Variants in CD33 observed in about 807,000 individuals in gnomAD.
The protein encoded by CD33 is CD33 molecule, also known as myeloid cell surface antigen CD33.
Under a neutral mutation model 31.4 loss-of-function variants are expected in CD33, and 25 were observed. The observed-to-expected ratio is 0.80, with a 90% CI of 0.58 to 1.11. The LOEUF (loss-of-function observed/expected upper bound fraction) is 1.11. CD33 is among the 50% of genes most tolerant of loss of function. CD33 has a pLI of 0.00. For missense variants in CD33, 407 were observed against 448.1 expected, an observed-to-expected ratio of 0.91 and a Z score of 0.83; for synonymous variants, 176 against 180.6, an observed-to-expected ratio of 0.97 and a Z score of 0.20.
At chr19:51,227,653 C>T (rs1981125770) in intron 4 of CD33, among the ~76,000 whole-genome samples, 1 of 152,182 alleles carries the variant, frequency 6.6e-6, no homozygotes, top group South Asian at 2.1e-4. Flanking sequence ...CAAATATTTT[C>T]TCCTATTCTG....
At chr19:51,227,176 A>G (rs1251347330) in intron 4 of CD33, among the ~76,000 whole-genome samples, 1 of 152,148 alleles carries the variant, frequency 6.6e-6, no homozygotes, top group African/African-American at 2.4e-5. Context: ...GCTGCAATAA[A>G]CATTGAGGTG....
the CD33 span, among the ~76,000 whole-genome samples, chr19:51,217,562 A>G: frequency 1.3e-5 from 2 of 151,942 alleles, no homozygotes; most frequent in African/African-American, 2.4e-5. Flanking sequence ...GGCGCTTGCC[A>G]CCACACCCAG....
intron 4 of CD33, among the ~76,000 whole-genome samples, chr19:51,229,460 G>C (rs1981257764): frequency 6.6e-6 from 1 of 152,132 alleles, no homozygotes; most frequent in South Asian, 2.1e-4. Flanking sequence ...AGTTTGAGAA[G>C]AGTTGGCATA....
In CD33 at chr19:51,226,333, G is replaced by C; in HGVS notation, c.722G>C (p.Gly241Ala). 6.2e-7 allele frequency: 1 copy of C among 1,611,540 alleles called. No individual in the cohort carries two copies. The highest frequency in any genetic ancestry group is 8.5e-7 in the Non-Finnish European group (1 of 1,179,878). ...GATGTTCCACAGAACCCAACAACTG[G>C]TATCTTTCCAGGAGATGGCTCAGGT... Reference protein sequence around the residue: ...VTYVPQNPTTGIFPGDGSGKQ... With the variant: ...VTYVPQNPTTAIFPGDGSGKQ... Residue 241 changes from glycine to alanine, a missense_variant, in exon 4 of 7, where the codon GGT (glycine) becomes GCT (alanine). Physicochemically the swap from Gly to Ala is moderately conservative, Grantham distance 60 (BLOSUM62 0). Coordinates refer to ENST00000262262, the MANE Select transcript of CD33 (RefSeq NM_001772.4).
intron 4 of CD33, among the ~76,000 whole-genome samples, chr19:51,231,862 A>C (rs79434635): frequency 0.048 from 7,371 of 151,992 alleles, 560 homozygotes; most frequent in African/African-American, 0.17. Flanking sequence ...GGGCTTAAGC[A>C]ATCTTCCTGC....
In CD33 at chr19:51,235,665, T is replaced by C. The variant is rs61736475; in HGVS notation, c.913T>C (p.Ser305Pro). The C allele has an allele frequency of 0.035, 56,431 of 1,613,040 alleles. 3,984 individuals carry two copies. The highest frequency in any genetic ancestry group is 0.3 in the African/African-American group (22,677 of 74,830). The change falls in exon 6 of 7, where the codon TCA becomes CCA. Residue 305 changes from serine to proline, a missense_variant. Physicochemically the swap from Ser to Pro is moderately conservative, Grantham distance 74. Transcript: ENST00000262262. ...GRNDTHPTTG[S>P]ASPKHQKKSK... ...GAATGACACCCACCCTACCACAGGG[T>C]CAGCCTCCCCGGTGAGTGATGGGGC... is the stretch of plus-strand genomic sequence containing the variant.
intron 4 of CD33, 152 bp downstream of exon 4, chr19:51,226,508 G>A (rs1981047384): frequency 1.6e-6 from 1 of 629,860 alleles, no homozygotes; most frequent in Admixed American, 2.5e-5. Context: ...GATATTTGGG[G>A]ATGACTAGCA....
At chr19:51,224,704 C>T (rs562148996), upstream of CD33, among the ~76,000 whole-genome samples, 5 of 152,108 alleles carry the variant, frequency 3.3e-5, no homozygotes, top group Non-Finnish European at 7.3e-5. Flanking sequence ...GACTAAACAC[C>T]CCATGGATCT....
the CD33 span, among the ~76,000 whole-genome samples, chr19:51,214,260 A>G: frequency 8.3e-5 from 11 of 133,144 alleles, no homozygotes; most frequent in South Asian, 4.6e-4. Flanking sequence ...GTGCAATGGC[A>G]TGATCTCAGC....
upstream of CD33, among the ~76,000 whole-genome samples, chr19:51,222,633 G>T (rs77325682): frequency 6.6e-6 from 1 of 152,118 alleles, no homozygotes; most frequent in African/African-American, 2.4e-5. Context: ...CACATCTCTA[G>T]GAGATTTTCA....
chr19:51,214,138 G>C, the CD33 span, among the ~76,000 whole-genome samples: 3 of 149,282 alleles, frequency 2.0e-5, no homozygotes, highest in Non-Finnish European at 4.4e-5. Flanking sequence ...GGGATTACAG[G>C]CATGAGCCAC....
At chr19:51,223,488 C>T (rs1980787758), upstream of CD33, among the ~76,000 whole-genome samples, 1 of 152,128 alleles carries the variant, frequency 6.6e-6, no homozygotes, top group Admixed American at 6.5e-5. Context: ...ATATGGAAAA[C>T]CATGTAGCTG....
Position 51,239,731 on chromosome 19 carries a change from C to A in CD33, c.*43C>A. On this transcript the variant is annotated 3_prime_UTR_variant, in exon 7 of 7. Transcript: ENST00000262262. Reference sequence around the variant, plus strand: ...CAGGCTCAGCTAGAAGATCCACATCCTCTACAGGTCGGGGACCAAAGGCTG... The same window carrying A: ...CAGGCTCAGCTAGAAGATCCACATCATCTACAGGTCGGGGACCAAAGGCTG... 1.3e-6 allele frequency: 2 copies of A among 1,528,742 alleles called. No individual in the cohort carries two copies. The highest frequency in any genetic ancestry group is 2.3e-5 in the East Asian group (1 of 42,994). 94.7% of individuals were successfully genotyped at this position (1,528,742 alleles called of 1,614,324 possible). A position where few individuals can be genotyped will look rare whatever the true frequency, so the allele number is the denominator to read the frequency against.
intron 4 of CD33, among the ~76,000 whole-genome samples, chr19:51,231,810 G>A (rs1186268953): frequency 6.6e-6 from 1 of 151,798 alleles, no homozygotes; most frequent in Non-Finnish European, 1.5e-5. Context: ...CCAGGCAGGA[G>A]TGCAGTGGCA....
chr19:51,213,693 T>G, the CD33 span, among the ~76,000 whole-genome samples: 1 of 148,680 alleles, frequency 6.7e-6, no homozygotes, highest in East Asian at 2.0e-4. Flanking sequence ...CCCACCACAA[T>G]GCCTGGCTAT....
intron 4 of CD33, among the ~76,000 whole-genome samples, chr19:51,231,779 G>C (rs1275767884): frequency 6.7e-6 from 1 of 149,602 alleles, no homozygotes; most frequent in African/African-American, 2.5e-5. Flanking sequence ...TTTTTTTTGA[G>C]AAAGTGTCTC....
rs116187588 is a variant in CD33 at position 51,225,960 on chromosome 19, T to C, written c.576T>C (p.Thr192=). The C allele has an allele frequency of 2.0e-3, 3,165 of 1,614,060 alleles. 54 individuals carry two copies. In the African/African-American group the frequency reaches 0.038, roughly 19 times the overall value. ...AAPTSLGPRT[T]HSSVLIITPR... is the part of the protein sequence containing the mutation. The stretch of plus-strand genomic sequence containing the variant: ...CCACCTCCCTGGGCCCCAGGACTAC[T>C]CACTCCTCGGTGCTCATAATCACCC... The change falls in exon 3 of 7, where the codon ACT becomes ACC. Residue 192 remains threonine (T), a synonymous_variant. Coordinates refer to ENST00000262262, the MANE Select transcript of CD33 (RefSeq NM_001772.4).
intron 6 of CD33, chr19:51,238,297 T>C (rs187269842): frequency 6.6e-6 from 1 of 152,210 alleles, no homozygotes; most frequent in Admixed American, 6.5e-5. Flanking sequence ...GAGACATCCA[T>C]GTGGAGATGA....
the CD33 span, among the ~76,000 whole-genome samples, chr19:51,219,844 C>T: frequency 1.5e-3 from 226 of 152,186 alleles, 1 homozygote; most frequent in Middle Eastern, 3.4e-3. Flanking sequence ...TTTGCATGTA[C>T]GGAAACATCC....
Sources: allele counts gnomAD v4.1 joint callset (sites outside exome capture counted in the v4.1 genomes callset), GRCh38; gene constraint gnomAD v4.1.1; transcripts MANE v1.5; gene names NCBI Gene and HGNC (gene_info 2026-07-23, HGNC 2026-07-21).